The following TTLL9 variants were observed in gnomAD, a reference collection of about 807,000 sequenced individuals.
TTLL9 encodes probable tubulin polyglutamylase TTLL9.
A neutral mutation model predicts 65.6 loss-of-function variants in TTLL9; 47 were observed. That is an observed-to-expected ratio of 0.72 (90% confidence interval 0.57 to 0.91). The LOEUF (loss-of-function observed/expected upper bound fraction) is 0.91. Among genes scored for constraint, TTLL9 ranks in the 40% least tolerant of loss-of-function variants. TTLL9 has a pLI of 0.00. For missense variants in TTLL9, 537 were observed against 568.8 expected (o/e 0.94, Z 0.57); for synonymous variants, 179 against 204.8 (o/e 0.87, Z 1.07).
At chr20:31,874,979 GT>G (rs2063017821) in intron 2 of TTLL9, among the ~76,000 whole-genome samples, 2 of 152,194 alleles carry the variant, frequency 1.3e-5, no homozygotes, top group Admixed American at 1.3e-4. Context: ...TTTTAGCCCA[GT>G]GAGACCCATT....
At chr20:31,924,219 C>T (rs1017518485) in intron 8 of TTLL9, among the ~76,000 whole-genome samples, 22 of 152,226 alleles carry the variant, frequency 1.4e-4, no homozygotes, top group African/African-American at 4.3e-4. Context: ...TGGTGCCTGC[C>T]GCTGCTCTGC....
At chr20:31,905,641 C>T (rs905135110) in intron 4 of TTLL9, among the ~76,000 whole-genome samples, 2 of 152,192 alleles carry the variant, frequency 1.3e-5, no homozygotes, top group African/African-American at 4.8e-5. Context: ...AAGGCTGGGT[C>T]TGTCTGCCTG....
At chr20:31,889,969 T>G in intron 3 of TTLL9, among the ~76,000 whole-genome samples, 1 of 127,038 alleles carries the variant, frequency 7.9e-6, no homozygotes, top group South Asian at 2.3e-4. Context: ...AAGCCACATC[T>G]CTCTCTTTCT....
At chr20:31,913,704 G>C (rs1260105001) in intron 6 of TTLL9, among the ~76,000 whole-genome samples, 5 of 152,230 alleles carry the variant, frequency 3.3e-5, no homozygotes, top group South Asian at 2.1e-4. Context: ...CTTCCTACCA[G>C]GCCAGAGCCC....
At chr20:31,933,052 G>A (rs2064047517) in intron 10 of TTLL9, among the ~76,000 whole-genome samples, 1 of 152,204 alleles carries the variant, frequency 6.6e-6, no homozygotes, top group Admixed American at 6.5e-5. Context: ...GTTGTGGGGT[G>A]AAGATGTTGA....
At chr20:31,908,507 C>A in intron 4 of TTLL9, 84 bp from the exon 5 acceptor site, 1 of 898,420 alleles carries the variant, frequency 1.1e-6, no homozygotes, top group South Asian at 1.4e-5. Context: ...CTTCCTCAAG[C>A]CCCCTCGGCA....
intron 2 of TTLL9, among the ~76,000 whole-genome samples, chr20:31,885,949 G>T (rs962066989): frequency 1.3e-5 from 2 of 152,244 alleles, no homozygotes; most frequent in African/African-American, 4.8e-5. Context: ...ACACTGCAGG[G>T]AGCTGCAGGC....
intron 9 of TTLL9, 69 bp downstream of exon 9, chr20:31,925,118 G>C: frequency 1.3e-6 from 2 of 1,525,482 alleles, no homozygotes; most frequent in African/African-American, 1.4e-5. Flanking sequence ...GAGATGGGGG[G>C]AAGAGGCCTG....
chr20:31,884,386 C>A (rs1282549963), intron 2 of TTLL9, among the ~76,000 whole-genome samples: 1 of 152,132 alleles, frequency 6.6e-6, no homozygotes, highest in Non-Finnish European at 1.5e-5. Context: ...CCACCATGCC[C>A]AGCTAATTTT....
chr20:31,904,131 A>G (rs765351822), intron 4 of TTLL9, among the ~76,000 whole-genome samples: 2 of 152,216 alleles, frequency 1.3e-5, no homozygotes, highest in Non-Finnish European at 2.9e-5. Context: ...TGCCCTTTTC[A>G]GTGGAACTCA....
chr20:31,913,197 A>G (rs986377465), intron 6 of TTLL9, among the ~76,000 whole-genome samples: 2 of 152,188 alleles, frequency 1.3e-5, no homozygotes, highest in Admixed American at 1.3e-4. Context: ...TCACATCTAC[A>G]AAGTACCTTC....
intron 13 of TTLL9, among the ~76,000 whole-genome samples, chr20:31,937,897 C>T (rs1047890756): frequency 5.3e-5 from 8 of 151,738 alleles, no homozygotes; most frequent in African/African-American, 1.9e-4. Flanking sequence ...TAGTGCTTAG[C>T]TAACAGTAAG....
chr20:31,886,885 CTG>C (rs1169667552), intron 2 of TTLL9, among the ~76,000 whole-genome samples: 1 of 152,190 alleles, frequency 6.6e-6, no homozygotes, highest in African/African-American at 2.4e-5. Flanking sequence ...GCTTTCAAAA[CTG>C]GGGTTCAGGG....
rs1242581391 is a variant in TTLL9, at chr20:31,893,652, T to C, written c.114-4821T>C. On this transcript the variant is annotated intron_variant, in intron 3 of 14. Coordinates refer to ENST00000535842, the MANE Select transcript of TTLL9 (RefSeq NM_001008409.5). ...ACCACCCTCACCCCTCTATGCGATGTGTCTTTTTTCCTCAGGCTTTTTTTT... is the reference window on the plus strand; with the variant it reads ...ACCACCCTCACCCCTCTATGCGATGCGTCTTTTTTCCTCAGGCTTTTTTTT... Among the ~76,000 whole-genome samples, 3 of 151,194 alleles carry C rather than the reference T, an allele frequency of 2.0e-5. No individual in the cohort carries two copies. In the East Asian group the frequency reaches 5.8e-4, roughly 29 times the overall value.
intron 6 of TTLL9, 105 bp from the exon 7 acceptor site, chr20:31,919,759 A>G: frequency 1.1e-6 from 1 of 907,914 alleles, no homozygotes; most frequent in South Asian, 2.1e-5. Context: ...TTGGGGGTTC[A>G]TAAGGAAAAA....
At chr20:31,890,189 C>CTTTCT (rs2063285467) in intron 3 of TTLL9, among the ~76,000 whole-genome samples, 1 of 125,804 alleles carries the variant, frequency 7.9e-6, no homozygotes, top group South Asian at 2.5e-4. Context: ...TTCTTTCTTT[C>CTTTCT]TTTCTTTCTT....
chr20:31,881,994 C>G (rs1261591785), intron 2 of TTLL9, among the ~76,000 whole-genome samples: 4 of 152,164 alleles, frequency 2.6e-5, no homozygotes, highest in Non-Finnish European at 5.9e-5. Flanking sequence ...AAAGAAAGGT[C>G]TCCTGTATAT....
intron 4 of TTLL9, among the ~76,000 whole-genome samples, chr20:31,906,372 C>T (rs1051609189): frequency 1.3e-5 from 2 of 152,216 alleles, no homozygotes; most frequent in African/African-American, 2.4e-5. Flanking sequence ...GGGCAGACAG[C>T]CGAAGAAGGT....
chr20:31,923,146 C>T (rs968723698), intron 8 of TTLL9, 93 bp downstream of exon 8: 2 of 962,916 alleles, frequency 2.1e-6, no homozygotes, highest in Non-Finnish European at 3.4e-6. Flanking sequence ...AAGGGCCCAG[C>T]CTGACACCAG....
Sources: gnomAD v4.1 joint callset for allele counts (sites outside exome capture counted in the v4.1 genomes callset) on GRCh38, gnomAD v4.1.1 for gene constraint, MANE v1.5 for transcripts, NCBI Gene and HGNC (gene_info 2026-07-23, HGNC 2026-07-21) for gene names.